The following CLPB variants were observed in gnomAD, a reference collection of about 807,000 sequenced individuals.
CLPB encodes mitochondrial disaggregase.
Under a neutral mutation model 78.4 loss-of-function variants are expected in CLPB, and 40 were observed. The observed-to-expected ratio is 0.51, with a 90% confidence interval of 0.40 to 0.66. The LOEUF (loss-of-function observed/expected upper bound fraction) is 0.66, where lower values mean the gene tolerates loss of function less well. Ranked by LOEUF, CLPB falls within the 30% of genes least tolerant of loss-of-function variation. CLPB has a pLI of 0.00. For synonymous variants in CLPB, 333 were observed against 348.0 expected, an observed-to-expected ratio of 0.96 and a Z score of 0.48; for missense variants, 780 against 886.9, an observed-to-expected ratio of 0.88 and a Z score of 1.53.
chr11:72,322,192 T>C (rs943561277), intron 6 of CLPB, among the ~76,000 whole-genome samples: 10 of 152,150 alleles, frequency 6.6e-5, no homozygotes, highest in African/African-American at 1.9e-4. Context: ...CCCTTCACAC[T>C]TGGTAATCAC....
In CLPB at chr11:72,287,843, G is replaced by A. The variant is rs1372924360; in HGVS notation, c.*5524C>T. 3 of 152,102 alleles carry A rather than the reference G, an allele frequency of 2.0e-5. No homozygotes were observed. Among genetic ancestry groups the A allele is most frequent in the African/African-American group, 4.8e-5 (2 of 41,424 alleles). 9.4% of individuals were successfully genotyped at this position (152,102 alleles called of 1,614,324 possible). ...TCAATTCCTCAATATATATGGTTAT[G>A]TCTAATTTCTCATGCCTAATTTTGT... On this transcript the variant is annotated 3_prime_UTR_variant, in exon 16 of 16. Transcript: ENST00000538039.
intron 5 of CLPB, 113 bp from the exon 6 acceptor site, chr11:72,329,917 C>T: frequency 1.4e-6 from 1 of 726,028 alleles, no homozygotes; most frequent in Non-Finnish European, 2.3e-6. Flanking sequence ...TCCATGGACA[C>T]CTACAAATGG....
intron 1 of CLPB, chr11:72,430,569 T>G: frequency 1.8e-6 from 1 of 565,090 alleles, no homozygotes; most frequent in Non-Finnish European, 3.2e-6. Flanking sequence ...ACCTTTCTAC[T>G]ACAGAGCCCA....
intron 12 of CLPB, among the ~76,000 whole-genome samples, chr11:72,295,100 G>A (rs112901934): frequency 1.3e-5 from 2 of 152,294 alleles, no homozygotes; most frequent in African/African-American, 4.8e-5. Flanking sequence ...AAGCTGCCCT[G>A]GGTGAACAAG....
chr11:72,293,512 A>C lies in CLPB; in HGVS notation c.1889T>G (p.Leu630Arg). 5 of 1,614,062 alleles carry C rather than the reference A, an allele frequency of 3.1e-6. No homozygotes were observed. Among genetic ancestry groups the C allele is most frequent in the Non-Finnish European group, 4.2e-6 (5 of 1,180,010 alleles). Residue 630 changes from leucine (L) to arginine (R), a missense_variant, in exon 16 of 16, where the codon CTA becomes CGA. Leu to Arg is a moderately radical substitution (Grantham distance 102, BLOSUM62 -2). Around this residue, in one of 3 missense-constraint regions of CLPB, gnomAD observed 272 missense variants for 304.0 expected, o/e 0.89. Coordinates refer to ENST00000538039, the MANE Select transcript of CLPB (RefSeq NM_001258392.3). ...TGAGGGCAGTTCTGGGCTTTTGAGT[A>C]GCTGCTTGTCTGAGTCCTCCACCGT... ...RITVEDSDKQLLKSPELPSPQ... is the reference protein window; with the variant it reads ...RITVEDSDKQRLKSPELPSPQ...
intron 5 of CLPB, among the ~76,000 whole-genome samples, chr11:72,355,521 C>T (rs1429084582): frequency 6.6e-6 from 1 of 152,194 alleles, no homozygotes; most frequent in Non-Finnish European, 1.5e-5. Context: ...AAAAATACCA[C>T]CAATCCTCAT....
intron 2 of CLPB, among the ~76,000 whole-genome samples, chr11:72,429,831 G>C (rs528939683): frequency 6.6e-6 from 1 of 152,196 alleles, no homozygotes; most frequent in African/African-American, 2.4e-5. Context: ...GTCTGTCCCC[G>C]GGCAAAGCCA....
chr11:72,374,185 C>T (rs1951097976), intron 4 of CLPB, among the ~76,000 whole-genome samples: 1 of 152,162 alleles, frequency 6.6e-6, no homozygotes, highest in Admixed American at 6.5e-5. Context: ...TCCTGCTTTA[C>T]ACTTTGCCAA....
chr11:72,297,639 GTGTGTGTGTGT>G (rs1949575977), intron 11 of CLPB, among the ~76,000 whole-genome samples: 1 of 21,774 alleles, frequency 4.6e-5, no homozygotes, highest in African/African-American at 5.9e-4. Context: ...GGGACCAGGT[GTGTGTGTGTGT>G]GTGTGTGTGT....
At chr11:72,370,021 C>T (rs1160427800) in intron 4 of CLPB, among the ~76,000 whole-genome samples, 1 of 152,144 alleles carries the variant, frequency 6.6e-6, no homozygotes, top group East Asian at 1.9e-4. Context: ...AATAAAGCGT[C>T]AGGGGGAGCC....
intron 4 of CLPB, among the ~76,000 whole-genome samples, chr11:72,376,313 T>C (rs1256869437): frequency 1.3e-5 from 2 of 152,156 alleles, no homozygotes; most frequent in Non-Finnish European, 2.9e-5. Context: ...ATATATTGGT[T>C]GAATGGCTTA....
intron 6 of CLPB, among the ~76,000 whole-genome samples, chr11:72,319,915 T>C (rs563808451): frequency 6.6e-6 from 1 of 152,296 alleles, no homozygotes; most frequent in Admixed American, 6.5e-5. Flanking sequence ...CTAATTTAAT[T>C]GTGGGTGGAA....
chr11:72,298,320 C>G (rs985966395), intron 11 of CLPB, among the ~76,000 whole-genome samples: 1 of 152,330 alleles, frequency 6.6e-6, no homozygotes. Flanking sequence ...CCTACAACTC[C>G]TGGCACTTGC....
chr11:72,420,368 C>T (rs1267284340), intron 2 of CLPB, among the ~76,000 whole-genome samples: 4 of 152,188 alleles, frequency 2.6e-5, no homozygotes, highest in Non-Finnish European at 1.5e-5. Context: ...GTAGCTGTCG[C>T]CTGTAATCCC....
intron 11 of CLPB, 91 bp downstream of exon 11, chr11:72,301,712 C>T (rs899218335): frequency 5.0e-6 from 7 of 1,387,492 alleles, no homozygotes; most frequent in Non-Finnish European, 6.9e-6. Context: ...GAGGAATGAC[C>T]AGCTAGCCTC....
chr11:72,353,886 A>T (rs1461290578), intron 5 of CLPB, among the ~76,000 whole-genome samples: 1 of 152,224 alleles, frequency 6.6e-6, no homozygotes, highest in Non-Finnish European at 1.5e-5. Flanking sequence ...TGAGGGTCAG[A>T]CTAGAACAAC....
At chr11:72,392,014 T>C (rs1855267559) in intron 3 of CLPB, among the ~76,000 whole-genome samples, 1 of 152,018 alleles carries the variant, frequency 6.6e-6, no homozygotes, top group African/African-American at 2.4e-5. Flanking sequence ...GGTGCTCACA[T>C]TGTTTAGGGA....
At chr11:72,353,993 T>A (rs916643493) in intron 5 of CLPB, among the ~76,000 whole-genome samples, 2 of 152,050 alleles carry the variant, frequency 1.3e-5, no homozygotes, top group African/African-American at 2.4e-5. Flanking sequence ...AGACTATATA[T>A]AAAGTACCTA....
chr11:72,294,656 C>A lies in CLPB; in HGVS notation c.1524G>T (p.Lys508Asn). Residue 508 changes from lysine to asparagine, a missense_variant, in exon 13 of 16, where the codon AAG becomes AAT. Lys to Asn is a moderately conservative substitution (Grantham distance 94). Around this residue, in one of 3 missense-constraint regions of CLPB, gnomAD observed 272 missense variants for 304.0 expected, o/e 0.89. Transcript: ENST00000538039. ...GGCGAATCACATTCTCCTTGAAGTT[C>A]TTTGAGATGGTGATCTTGTCACTTA... ...VQISDKITISKNFKENVIRPI... is the reference protein window; with the variant it reads ...VQISDKITISNNFKENVIRPI... The A allele has an allele frequency of 6.2e-7, 1 of 1,614,166 alleles. No individual in the cohort carries two copies. Among genetic ancestry groups the A allele is most frequent in the Non-Finnish European group, 8.5e-7 (1 of 1,179,974 alleles).
Sources: allele counts gnomAD v4.1 joint callset (sites outside exome capture counted in the v4.1 genomes callset), GRCh38; gene constraint gnomAD v4.1.1; regional missense constraint gnomAD v4.1.1; transcripts MANE v1.5; gene names NCBI Gene and HGNC (gene_info 2026-07-23, HGNC 2026-07-21).